The following ABCG1 variants were observed in gnomAD, a reference collection of about 807,000 sequenced individuals.
ABCG1 encodes the protein ATP binding cassette subfamily G member 1.
A neutral mutation model predicts 69.2 loss-of-function variants in ABCG1; 29 were observed. The observed-to-expected ratio is 0.42, with a 90% CI of 0.31 to 0.57. ABCG1 has a LOEUF of 0.57. Among genes scored for constraint, ABCG1 ranks in the 20% least tolerant of loss-of-function variants. ABCG1 has a pLI of 0.15. For synonymous variants in ABCG1, 370 were observed against 374.8 expected, an observed-to-expected ratio of 0.99 and a Z score of 0.15; for missense variants, 718 against 898.1, an observed-to-expected ratio of 0.80 and a Z score of 2.56.
chr21:42,282,352 A>G lies in ABCG1; in HGVS notation c.667A>G (p.Lys223Glu). 6.2e-7 allele frequency: 1 copy of G among 1,613,798 alleles called. No homozygotes were observed. The highest frequency in any genetic ancestry group is 8.5e-7 in the Non-Finnish European group (1 of 1,180,006). Residue 223 changes from lysine (K) to glutamate (E), a missense_variant, in exon 6 of 15, where the codon AAG becomes GAG. By Grantham distance (56) the Lys-to-Glu change is moderately conservative (BLOSUM62 1). Transcript: ENST00000398449. ...CGGGAGCCTGTCAGGTGGTCAGCGC[A>G]AGCGCCTGGCCATCGCGCTGGAGCT... ...RTGSLSGGQR[K>E]RLAIALELVN...
intron 2 of ABCG1, among the ~76,000 whole-genome samples, chr21:42,243,483 T>C (rs944057166): frequency 7.4e-5 from 11 of 149,656 alleles, no homozygotes; most frequent in Non-Finnish European, 1.6e-4. Context: ...TGTGTGTGTG[T>C]GTGTGTGCGC....
rs4148099 is a variant in ABCG1, at chr21:42,219,481, A to C, written c.42+177A>C. 0.14 allele frequency among the ~76,000 whole-genome samples: 20,942 copies of C among 152,164 alleles called. 1,724 individuals are homozygous for C. The highest frequency in any genetic ancestry group is 0.24 in the East Asian group (1,232 of 5,154). ...CGATCGCTGCCCCTGCCCCTCCGCCAGGGCCACCTGGAGCCTCGGGATGCC... is the reference window on the plus strand; with the variant it reads ...CGATCGCTGCCCCTGCCCCTCCGCCCGGGCCACCTGGAGCCTCGGGATGCC... On this transcript the variant is annotated intron_variant, in intron 1 of 14. Coordinates refer to ENST00000398449, the MANE Select transcript of ABCG1 (RefSeq NM_016818.3). This position sits in a 1 kb window ranked among gnomAD's most constrained non-coding sequence, Gnocchi z 5.3.
intron 13 of ABCG1, among the ~76,000 whole-genome samples, chr21:42,293,336 C>CAA (rs1569243053): frequency 7.0e-6 from 1 of 143,518 alleles, no homozygotes; most frequent in African/African-American, 2.6e-5. Flanking sequence ...ACACACCACA[C>CAA]TACACACTAC....
rs138786898 is a variant in ABCG1, at chr21:42,226,002, G to A, written c.286+88G>A. 1.2e-4 allele frequency: 172 copies of A among 1,481,864 alleles called. 2 individuals carry two copies. The East Asian group carries it at 3.3e-3, about 28-fold the overall frequency. 91.8% of individuals were successfully genotyped at this position (1,481,864 alleles called of 1,614,324 possible). A position where few individuals can be genotyped will look rare whatever the true frequency, so the allele number is the denominator to read the frequency against. ...GTTTGGGCAAAATCGGGGTCTGGAG[G>A]TTGAGAGGCTGAGCTTCTCTTCCCA... On this transcript the variant is annotated intron_variant, in intron 2 of 14. Transcript: ENST00000398449.
intron 2 of ABCG1, among the ~76,000 whole-genome samples, chr21:42,269,018 G>A (rs575653324): frequency 5.3e-5 from 8 of 152,332 alleles, no homozygotes; most frequent in East Asian, 3.9e-4. Flanking sequence ...TGCCCTGGAC[G>A]GAGGGAGAGA....
In ABCG1 at chr21:42,276,890, T is replaced by C. The variant is rs377637926; in HGVS notation, c.538-5T>C. 4.5e-5 allele frequency: 73 copies of C among 1,614,064 alleles called. No homozygotes were observed. Among genetic ancestry groups the C allele is most frequent in the Non-Finnish European group, 5.8e-5 (68 of 1,180,030 alleles). On this transcript the variant is annotated splice_polypyrimidine_tract_variant and splice_region_variant and intron_variant, in intron 4 of 14. Coordinates refer to ENST00000398449, the MANE Select transcript of ABCG1 (RefSeq NM_016818.3). The surrounding 1 kb of genome is among the most constrained non-coding windows in gnomAD (Gnocchi z 5.3). ...CTTCCACACTGTTGTCCTTGTCCCCTGCAGGTGTCGGCACATCTGAAGCTT... is the reference window on the plus strand; with the variant it reads ...CTTCCACACTGTTGTCCTTGTCCCCCGCAGGTGTCGGCACATCTGAAGCTT...
intron 10 of ABCG1, among the ~76,000 whole-genome samples, chr21:42,289,634 T>C (rs1270165656): frequency 6.6e-6 from 1 of 152,162 alleles, no homozygotes; most frequent in Non-Finnish European, 1.5e-5. Flanking sequence ...GGACCTAATT[T>C]GAAAGACAGA....
chr21:42,283,115 A>G lies in ABCG1; in HGVS notation c.734+696A>G, dbSNP rs553306130. 2.2e-3 allele frequency among the ~76,000 whole-genome samples: 342 copies of G among 152,256 alleles called. 3 individuals are homozygous for G. Among genetic ancestry groups the G allele is most frequent in the Middle Eastern group, 6.8e-3 (2 of 294 alleles). ...GGCCAGGAACCAGGCTTCTCCTGAA[A>G]TGACTTCAGCCAGACTTTACGTTGT... On this transcript the variant is annotated intron_variant, in intron 6 of 14. Transcript: ENST00000398449.
intron 2 of ABCG1, among the ~76,000 whole-genome samples, chr21:42,207,340 C>G (rs952334195): frequency 1.8e-4 from 28 of 152,058 alleles, no homozygotes; most frequent in Non-Finnish European, 4.4e-5. Context: ...TAATTTTTTC[C>G]TCTGTACTTT....
chr21:42,262,529 T>A (rs1430842828), intron 2 of ABCG1, among the ~76,000 whole-genome samples: 1 of 152,158 alleles, frequency 6.6e-6, no homozygotes, highest in Non-Finnish European at 1.5e-5. Context: ...TTCCTTCTGA[T>A]CCTCTGTTCA....
At chr21:42,244,922 C>T (rs1038959513) in intron 2 of ABCG1, among the ~76,000 whole-genome samples, 2 of 152,224 alleles carry the variant, frequency 1.3e-5, no homozygotes, top group Non-Finnish European at 2.9e-5. Flanking sequence ...TGGAGCCATC[C>T]GTGGAAGGGG....
Position 42,288,325 on chromosome 21 carries a change from G to A in ABCG1, c.1224+13G>A, listed in dbSNP as rs546958822. The stretch of plus-strand genomic sequence containing the variant: ...CATGAGGGACTCGGTAAGGCTGCCC[G>A]CATCTTCTCCTGTAGCTGGGGAACC... On this transcript the variant is annotated intron_variant, in intron 10 of 14. Transcript: ENST00000398449. This position sits in a 1 kb window ranked among gnomAD's most constrained non-coding sequence, Gnocchi z 4.8. 194 of 1,421,810 alleles carry A rather than the reference G, an allele frequency of 1.4e-4. No individual in the cohort carries two copies. Among genetic ancestry groups the A allele is most frequent in the Admixed American group, 4.4e-4 (25 of 56,248 alleles). 88.1% of individuals were successfully genotyped at this position (1,421,810 alleles called of 1,614,324 possible).
intron 2 of ABCG1, chr21:42,206,955 T>C (rs1033007809): frequency 2.0e-5 from 3 of 152,048 alleles, no homozygotes; most frequent in African/African-American, 7.2e-5. Context: ...GTGAGAAATA[T>C]GCTGTCATGT....
intron 14 of ABCG1, among the ~76,000 whole-genome samples, chr21:42,295,789 A>G (rs1463490826): frequency 1.3e-5 from 2 of 152,218 alleles, no homozygotes; most frequent in East Asian, 1.9e-4. Context: ...GGAATGTTTC[A>G]TATAAATGCT....
At chr21:42,213,300 C>T (rs1417305015), upstream of ABCG1, among the ~76,000 whole-genome samples, 1 of 152,256 alleles carries the variant, frequency 6.6e-6, no homozygotes, top group Non-Finnish European at 1.5e-5. Flanking sequence ...TCGGCACCTG[C>T]TGCAGTGTGT....
chr21:42,215,217 CCAGGGACAAGGGGTCACCCCACCA>C (rs1324508767), upstream of ABCG1, among the ~76,000 whole-genome samples: 1 of 152,214 alleles, frequency 6.6e-6, no homozygotes, highest in African/African-American at 2.4e-5. Context: ...CAGAAACTCA[CCAGGGACAAGGGGTCACCCCACCA>C]CAGGCCCACC....
intron 2 of ABCG1, among the ~76,000 whole-genome samples, chr21:42,264,236 T>G (rs568869348): frequency 1.3e-5 from 2 of 152,356 alleles, no homozygotes; most frequent in South Asian, 4.1e-4. Context: ...CTGCACAGGC[T>G]GTCTCTGAAT....
intron 2 of ABCG1, among the ~76,000 whole-genome samples, chr21:42,263,716 T>C (rs746995941): frequency 4.6e-5 from 7 of 152,102 alleles, no homozygotes; most frequent in Non-Finnish European, 8.8e-5. Context: ...AGCAACCCCG[T>C]AAAAATGCCT....
rs1459167327 is a variant in ABCG1 at position 42,219,975 on chromosome 21, C to A, written c.42+671C>A. 6 of 1,552,320 alleles carry A rather than the reference C, an allele frequency of 3.9e-6. No individual in the cohort carries two copies. The South Asian group carries it at 4.8e-5, about 12-fold the overall frequency. On this transcript the variant is annotated intron_variant, in intron 1 of 14. Transcript: ENST00000398449. The surrounding 1 kb of genome is among the most constrained non-coding windows in gnomAD (Gnocchi z 5.3). ...GAGAGACGCGGTGGGGACAGGGATG[C>A]GCATTTCACTTCCCCGAGCTCCGGA...
Sources: gnomAD v4.1 joint callset for allele counts (sites outside exome capture counted in the v4.1 genomes callset) on GRCh38, gnomAD v4.1.1 for gene constraint, Gnocchi (gnomAD v3.1) non-coding constraint, MANE v1.5 for transcripts, NCBI Gene and HGNC (gene_info 2026-07-23, HGNC 2026-07-21) for gene names.